CDH18: variants seen among roughly 807,000 people sequenced by gnomAD.
The protein encoded by CDH18 is cadherin-18.
In CDH18, 31 loss-of-function variants were observed where a neutral mutation model predicts 67.9. That is an observed-to-expected ratio of 0.46 (90% CI 0.34 to 0.62). The LOEUF (loss-of-function observed/expected upper bound fraction) is 0.62, where lower values mean the gene tolerates loss of function less well. Among genes scored for constraint, CDH18 ranks in the 20% least tolerant of loss-of-function variants. CDH18 has a pLI of 0.01. For synonymous variants in CDH18, 362 were observed against 347.2 expected, an observed-to-expected ratio of 1.04 and a Z score of -0.48; for missense variants, 890 against 975.5, an observed-to-expected ratio of 0.91 and a Z score of 1.17.
intron 2 of CDH18, among the ~76,000 whole-genome samples, chr5:19,884,065 T>C (rs867787891): frequency 3.3e-5 from 5 of 152,168 alleles, no homozygotes; most frequent in Admixed American, 6.6e-5. Context: ...TTGAAATGTA[T>C]AATCTTTAAG....
intron 3 of CDH18, among the ~76,000 whole-genome samples, chr5:19,773,532 A>T (rs906753446): frequency 2.6e-5 from 4 of 152,162 alleles, no homozygotes; most frequent in African/African-American, 9.6e-5. Flanking sequence ...ATAAATAGGC[A>T]TTTTATTTAA....
At chr5:20,419,764 G>A (rs1436461489) in intron 1 of CDH18, among the ~76,000 whole-genome samples, 3 of 150,666 alleles carry the variant, frequency 2.0e-5, no homozygotes, top group Admixed American at 6.6e-5. Flanking sequence ...GGCGTGAGCC[G>A]CCGCGCCTGT....
intron 3 of CDH18, among the ~76,000 whole-genome samples, chr5:19,801,510 G>C (rs151337622): frequency 1.2e-4 from 18 of 152,124 alleles, no homozygotes; most frequent in Non-Finnish European, 2.4e-4. Context: ...CCTATTTTCA[G>C]ATTGGCTTAC....
At chr5:19,708,034 G>A (rs1263948001) in intron 5 of CDH18, among the ~76,000 whole-genome samples, 4 of 152,160 alleles carry the variant, frequency 2.6e-5, no homozygotes, top group Admixed American at 6.5e-5. Context: ...CGGTATAGTG[G>A]CACCTCAACC....
rs150875929 is a variant in CDH18 at position 20,155,347 on chromosome 5, T to G, written c.-518+100097A>C. On this transcript the variant is annotated intron_variant, in intron 2 of 14. Coordinates refer to the CDH18 transcript ENST00000507958. ...TTAATTTTTTTGTTGAAGCCTATATTTGTTGCTTTTATAGTATTGCTATTG... is the reference window on the plus strand; with the variant it reads ...TTAATTTTTTTGTTGAAGCCTATATGTGTTGCTTTTATAGTATTGCTATTG... 3.6e-3 allele frequency among the ~76,000 whole-genome samples: 542 copies of G among 152,238 alleles called. 13 individuals are homozygous for G. Among genetic ancestry groups the G allele is most frequent in the East Asian group, 0.032 (168 of 5,184 alleles).
intron 9 of CDH18, among the ~76,000 whole-genome samples, chr5:19,521,671 G>A (rs1484865510): frequency 6.7e-6 from 1 of 149,454 alleles, no homozygotes; most frequent in East Asian, 2.0e-4. Flanking sequence ...AGTTATTCAT[G>A]ATAGTAAGAA....
At chr5:19,492,678 C>G (rs1741657149) in intron 11 of CDH18, among the ~76,000 whole-genome samples, 1 of 151,942 alleles carries the variant, frequency 6.6e-6, no homozygotes, top group Admixed American at 6.6e-5. Context: ...TTATTACCAA[C>G]ATATTAATTA....
At chr5:20,020,982 G>A (rs934649245) in intron 2 of CDH18, among the ~76,000 whole-genome samples, 2 of 151,798 alleles carry the variant, frequency 1.3e-5, no homozygotes, top group Non-Finnish European at 2.9e-5. Flanking sequence ...GCCTTGCAGA[G>A]CCACCGGGGT....
At chr5:19,558,919 G>C (rs185505487) in intron 8 of CDH18, among the ~76,000 whole-genome samples, 1 of 151,998 alleles carries the variant, frequency 6.6e-6, no homozygotes, top group Non-Finnish European at 1.5e-5. Context: ...CACGATCTAG[G>C]ACAGTTGTAT....
At chr5:20,487,612 A>T (rs1753284316) in intron 1 of CDH18, among the ~76,000 whole-genome samples, 1 of 151,340 alleles carries the variant, frequency 6.6e-6, no homozygotes. Flanking sequence ...AAATATCACT[A>T]TACAGCCAAA....
intron 2 of CDH18, among the ~76,000 whole-genome samples, chr5:19,911,340 G>A (rs929608084): frequency 2.0e-5 from 3 of 152,084 alleles, no homozygotes; most frequent in Admixed American, 2.0e-4. Context: ...ATAGAATAAT[G>A]GTTTAGAAGA....
intron 1 of CDH18, among the ~76,000 whole-genome samples, chr5:20,371,036 C>CAAAAAAAAAAAAAAAAAA (rs879271018): frequency 1.4e-4 from 18 of 129,174 alleles, no homozygotes; most frequent in East Asian, 4.7e-4. Context: ...GACTCTGTCT[C>CAAAAAAAAAAAAAAAAAA]AAAAAAAAAA....
At chr5:20,207,045 A>G (rs1016453780) in intron 2 of CDH18, among the ~76,000 whole-genome samples, 13 of 152,120 alleles carry the variant, frequency 8.5e-5, no homozygotes, top group South Asian at 4.1e-4. Context: ...TTGAACATAA[A>G]TAAGTCAAAT....
chr5:20,301,959 T>C (rs1364486636), intron 1 of CDH18, among the ~76,000 whole-genome samples: 1 of 152,144 alleles, frequency 6.6e-6, no homozygotes, highest in Non-Finnish European at 1.5e-5. Flanking sequence ...CTTCAGTCTG[T>C]AATTTGAATA....
rs146371913 is a variant in CDH18, at chr5:19,856,217, G to A, written c.-256-16975C>T. Among the ~76,000 whole-genome samples, 9 of 152,306 alleles carry A rather than the reference G, an allele frequency of 5.9e-5. 1 individual carries two copies. Among genetic ancestry groups the A allele is most frequent in the East Asian group, 1.9e-4 (1 of 5,180 alleles). On this transcript the variant is annotated intron_variant, in intron 2 of 12. Transcript: ENST00000382275. The stretch of plus-strand genomic sequence containing the variant: ...ATTGGAAATGCAAATTCCCAGGCTC[G>A]ATTCAAGACCTACTAAAACTTTGAA...
chr5:20,008,247 A>T (rs1242456487), intron 2 of CDH18, among the ~76,000 whole-genome samples: 2 of 152,172 alleles, frequency 1.3e-5, no homozygotes, highest in African/African-American at 4.8e-5. Flanking sequence ...AAAAACATAT[A>T]CATGTAGAAA....
chr5:20,134,669 T>C (rs935388407), intron 2 of CDH18, among the ~76,000 whole-genome samples: 3 of 152,116 alleles, frequency 2.0e-5, no homozygotes, highest in African/African-American at 7.2e-5. Context: ...ACCATATCAA[T>C]AGTTATAGGT....
At chr5:20,017,765 A>C (rs1014456439) in intron 2 of CDH18, among the ~76,000 whole-genome samples, 1 of 152,186 alleles carries the variant, frequency 6.6e-6, no homozygotes, top group Non-Finnish European at 1.5e-5. Context: ...AATCAGAAAA[A>C]ATGGAGCAGA....
chr5:19,685,114 A>G (rs141635361), intron 5 of CDH18, among the ~76,000 whole-genome samples: 1 of 152,342 alleles, frequency 6.6e-6, no homozygotes, highest in African/African-American at 2.4e-5. Flanking sequence ...GGAACCAAAG[A>G]GAAATCAAGG....
Sources: gnomAD v4.1 joint callset for allele counts (sites outside exome capture counted in the v4.1 genomes callset) on GRCh38, gnomAD v4.1.1 for gene constraint, MANE v1.5 for transcripts, NCBI Gene and HGNC (gene_info 2026-07-23, HGNC 2026-07-21) for gene names.